NAA60: variants seen among roughly 807,000 people sequenced by gnomAD.
NAA60 encodes the protein N-alpha-acetyltransferase 60.
Under a neutral mutation model 26.1 loss-of-function variants are expected in NAA60, and 8 were observed. That is an observed-to-expected ratio of 0.31 (90% CI 0.18 to 0.55). The LOEUF (loss-of-function observed/expected upper bound fraction) is 0.55. Among genes scored for constraint, NAA60 ranks in the 20% least tolerant of loss-of-function variants. NAA60 has a pLI of 0.93. For missense variants in NAA60, 290 were observed against 311.3 expected (o/e 0.93, Z 0.51); for synonymous variants, 131 against 122.5 (o/e 1.07, Z -0.46).
chr16:3,482,706 C>T (rs911934481), intron 5 of NAA60, 108 bp downstream of exon 5: 2 of 781,342 alleles, frequency 2.6e-6, no homozygotes, highest in East Asian at 2.7e-5. Flanking sequence ...AACTCTGGCT[C>T]GTGAACATCC....
rs113606752 is a variant in NAA60 at position 3,452,812 on chromosome 16, G to A, written c.-7+4272G>A. ...TCTACAAAAAAATGAAAAATTAGCCGGGTGTGGTGGTACGTGCCTGTAGTC... is the reference window on the plus strand; with the variant it reads ...TCTACAAAAAAATGAAAAATTAGCCAGGTGTGGTGGTACGTGCCTGTAGTC... On this transcript the variant is annotated intron_variant, in intron 2 of 7. Transcript: ENST00000407558. Among the ~76,000 whole-genome samples, 317 of 151,122 alleles carry A rather than the reference G, an allele frequency of 2.1e-3. 1 individual carries two copies. Among genetic ancestry groups the A allele is most frequent in the African/African-American group, 7.1e-3 (294 of 41,182 alleles).
At chr16:3,468,794 G>A (rs974911572) in intron 2 of NAA60, among the ~76,000 whole-genome samples, 1 of 152,196 alleles carries the variant, frequency 6.6e-6, no homozygotes, top group African/African-American at 2.4e-5. Flanking sequence ...TCAAGGGAGT[G>A]GCCGGGCTCG....
chr16:3,482,867 A>G, intron 5 of NAA60: 1 of 549,778 alleles, frequency 1.8e-6, no homozygotes, highest in Non-Finnish European at 3.3e-6. Flanking sequence ...GATGGAGCTG[A>G]GGAAACTGGC....
chr16:3,479,610 T>C lies in NAA60; in HGVS notation c.240+10T>C. ...CAAAATACATAAAGAGGTACGTACG[T>C]GTGTGCAGTGAGGACTTGGCAGTCA... is the stretch of plus-strand genomic sequence containing the variant. On this transcript the variant is annotated intron_variant, in intron 4 of 7. Transcript: ENST00000407558. 1 of 1,613,562 alleles carries C rather than the reference T, an allele frequency of 6.2e-7. No individual in the cohort carries two copies. The highest frequency in any genetic ancestry group is 1.1e-5 in the South Asian group (1 of 91,028).
At chr16:3,470,966 C>G (rs2036098166) in intron 2 of NAA60, among the ~76,000 whole-genome samples, 1 of 127,340 alleles carries the variant, frequency 7.9e-6, no homozygotes. Context: ...TGACGCGTTT[C>G]CATTTTTAAA....
chr16:3,456,123 C>T (rs1219902426), intron 2 of NAA60, among the ~76,000 whole-genome samples: 1 of 152,166 alleles, frequency 6.6e-6, no homozygotes, highest in Non-Finnish European at 1.5e-5. Context: ...AAACACACAC[C>T]CCGTGGAAAC....
intron 2 of NAA60, among the ~76,000 whole-genome samples, chr16:3,457,179 C>G (rs983638181): frequency 6.6e-5 from 10 of 152,294 alleles, no homozygotes; most frequent in South Asian, 2.1e-4. Flanking sequence ...GTCGTGGTGG[C>G]TCACGTCAGT....
Position 3,485,527 on chromosome 16 carries a change from C to G in NAA60, c.*267C>G, listed in dbSNP as rs1225134830. ...TGCCTGCTGCCCTGGCCCTGCCCCC[C>G]TGCGCATGCACCGTCCCCAGGGCTG... On this transcript the variant is annotated 3_prime_UTR_variant, in exon 8 of 8. Transcript: ENST00000407558. The G allele has an allele frequency of 2.2e-6, 1 of 455,522 alleles. No homozygotes were observed. Among genetic ancestry groups the G allele is most frequent in the South Asian group, 1.6e-5 (1 of 64,356 alleles). The allele number at this position is 455,522 out of a possible 1,614,324, so 28.2% of individuals were successfully genotyped here.
chr16:3,443,655 C>A (rs1260339337), upstream of NAA60: 2 of 1,288,146 alleles, frequency 1.6e-6, no homozygotes, highest in Non-Finnish European at 1.0e-6. Flanking sequence ...AGGTAGTTTT[C>A]CTCCTTTTCT....
Position 3,479,613 on chromosome 16 carries a change from G to T in NAA60, c.240+13G>T, listed in dbSNP as rs771920519. Reference sequence around the variant, plus strand: ...AATACATAAAGAGGTACGTACGTGTGTGCAGTGAGGACTTGGCAGTCACTG... The same window carrying T: ...AATACATAAAGAGGTACGTACGTGTTTGCAGTGAGGACTTGGCAGTCACTG... On this transcript the variant is annotated intron_variant, in intron 4 of 7. Transcript: ENST00000407558. 2.5e-6 allele frequency: 4 copies of T among 1,613,380 alleles called. No individual in the cohort carries two copies. Among genetic ancestry groups the T allele is most frequent in the Non-Finnish European group, 3.4e-6 (4 of 1,179,538 alleles).
chr16:3,485,289 C>T (rs1026343731), intron 7 of NAA60, 178 bp from the exon 8 acceptor site: 9 of 577,410 alleles, frequency 1.6e-5, no homozygotes, highest in Non-Finnish European at 2.6e-5. Flanking sequence ...CCATCAGTGC[C>T]TTTATTTGTG....
At chr16:3,447,314 T>C (rs2034595078) in intron 1 of NAA60, among the ~76,000 whole-genome samples, 1 of 152,242 alleles carries the variant, frequency 6.6e-6, no homozygotes, top group African/African-American at 2.4e-5. Flanking sequence ...ATTTTTAATT[T>C]TTATGGGTAC....
chr16:3,447,261 G>A (rs1302343890), intron 1 of NAA60, among the ~76,000 whole-genome samples: 1 of 152,152 alleles, frequency 6.6e-6, no homozygotes, highest in Non-Finnish European at 1.5e-5. Flanking sequence ...CAATAACAAA[G>A]TTGCTTTTGA....
chr16:3,447,546 C>G (rs950125390), intron 1 of NAA60: 2 of 985,280 alleles, frequency 2.0e-6, no homozygotes, highest in Middle Eastern at 5.2e-4. Flanking sequence ...ACCGCCTTTA[C>G]CGTATCCTTC....
intron 1 of NAA60, 100 bp downstream of exon 1, chr16:3,443,937 T>C: frequency 2.1e-6 from 3 of 1,421,966 alleles, no homozygotes; most frequent in Non-Finnish European, 2.7e-6. Flanking sequence ...GGGCTTGAGC[T>C]GTCCTTTGTG....
chr16:3,471,858 C>T (rs1210820446), intron 2 of NAA60, among the ~76,000 whole-genome samples: 7 of 152,144 alleles, frequency 4.6e-5, no homozygotes, highest in Admixed American at 1.3e-4. Context: ...AGGAGGAGGC[C>T]GTGTGCTGGG....
At chr16:3,444,005 A>G (rs890624603) in intron 1 of NAA60, 168 bp downstream of exon 1, 6 of 1,305,252 alleles carry the variant, frequency 4.6e-6, no homozygotes, top group Admixed American at 6.5e-5. Context: ...TACGTTCACA[A>G]CGTTCACATC....
intron 2 of NAA60, among the ~76,000 whole-genome samples, chr16:3,451,332 G>A (rs1265255639): frequency 1.3e-5 from 2 of 152,186 alleles, no homozygotes; most frequent in South Asian, 4.1e-4. Context: ...GAGTTAGCTG[G>A]AGAACTTGGG....
At chr16:3,483,743 T>C (rs2036993661) in intron 6 of NAA60, 146 bp downstream of exon 6, 1 of 666,360 alleles carries the variant, frequency 1.5e-6, no homozygotes, top group African/African-American at 1.8e-5. Context: ...CTGATCGTGT[T>C]GTGGGTAAAC....
Sources: gnomAD v4.1 joint callset for allele counts (sites outside exome capture counted in the v4.1 genomes callset) on GRCh38, gnomAD v4.1.1 for gene constraint, MANE v1.5 for transcripts, NCBI Gene and HGNC (gene_info 2026-07-23, HGNC 2026-07-21) for gene names.